The following SGSM1 variants were observed in gnomAD, a reference collection of about 807,000 sequenced individuals.
SGSM1 encodes RUN and TBC1 domain containing 2.
A neutral mutation model predicts 133.8 loss-of-function variants in SGSM1; 73 were observed. The observed-to-expected ratio is 0.55, with a 90% CI of 0.45 to 0.66. SGSM1 has a LOEUF of 0.66. Ranked by LOEUF, SGSM1 falls within the 30% of genes least tolerant of loss-of-function variation. SGSM1 has a pLI of 0.00. For synonymous variants in SGSM1, 563 were observed against 573.0 expected, an observed-to-expected ratio of 0.98 and a Z score of 0.25; for missense variants, 1,213 against 1,448.1, an observed-to-expected ratio of 0.84 and a Z score of 2.64.
chr22:24,899,698 T>A (rs557962872), intron 19 of SGSM1, among the ~76,000 whole-genome samples: 2 of 151,992 alleles, frequency 1.3e-5, no homozygotes, highest in East Asian at 3.9e-4. Context: ...ATTTTTTGTG[T>A]TTTTAGTAGA....
At chr22:24,899,707 G>C (rs1162890249) in intron 19 of SGSM1, among the ~76,000 whole-genome samples, 2 of 151,996 alleles carry the variant, frequency 1.3e-5, no homozygotes, top group East Asian at 3.9e-4. Flanking sequence ...GTTTTTAGTA[G>C]AGATAGGGTT....
chr22:24,808,099 T>C (rs76467009), intron 2 of SGSM1, among the ~76,000 whole-genome samples: 79 of 148,644 alleles, frequency 5.3e-4, no homozygotes, highest in Non-Finnish European at 9.9e-4. Flanking sequence ...ACCTCTTATC[T>C]TTTTTTTTTC....
chr22:24,903,978 AAAG>A (rs767085947), intron 20 of SGSM1, among the ~76,000 whole-genome samples: 2 of 81,516 alleles, frequency 2.5e-5, no homozygotes, highest in Admixed American at 1.3e-4. Flanking sequence ...GTCTCAACAA[AAAG>A]AAAAAAAAAA....
rs759488017 is a variant in SGSM1, at chr22:24,847,663, C to G, written c.169C>G (p.Leu57Val). The G allele has an allele frequency of 6.2e-7, 1 of 1,613,718 alleles. No homozygotes were observed. Among genetic ancestry groups the G allele is most frequent in the South Asian group, 1.1e-5 (1 of 91,062 alleles). ...AAVEACVLHG[L>V]RRRAAGFLRS... ...TGTGGAGGCCTGCGTTCTGCACGGG[C>G]TTCGGCGGCGGGCGGCTGGCTTCCT... is the stretch of plus-strand genomic sequence containing the variant. The change falls in exon 4 of 25, where the codon CTT (leucine) becomes GTT (valine). Residue 57 changes from leucine to valine, a missense_variant. Leu to Val is a conservative substitution (Grantham distance 32, BLOSUM62 1). Coordinates refer to ENST00000400358, the MANE Select transcript of SGSM1 (RefSeq NM_001098497.3).
In SGSM1 at chr22:24,845,946, TTTCTTTC is replaced by T. The variant is rs1348702889; in HGVS notation, c.139+977_139+983del. 8.6e-3 allele frequency among the ~76,000 whole-genome samples: 338 copies of T among 39,376 alleles called. 7 individuals carry two copies. The highest frequency in any genetic ancestry group is 0.045 in the East Asian group (55 of 1,218). The allele number at this position is 39,376 out of a possible 152,430, so 25.8% of individuals were successfully genotyped here. On this transcript the variant is annotated intron_variant, in intron 3 of 24. Transcript: ENST00000400358. ...AAGATCTTTCTTTTCTTTTCTTTTCTTTCTTTCTTTCTTTCTTTCTTTCTTTCTTTCT... is the reference window on the plus strand; with the variant it reads ...AAGATCTTTCTTTTCTTTTCTTTTCTTTTCTTTCTTTCTTTCTTTCTTTCT...
intron 2 of SGSM1, among the ~76,000 whole-genome samples, chr22:24,830,727 T>G (rs2147809643): frequency 1.7e-5 from 1 of 59,544 alleles, no homozygotes; most frequent in African/African-American, 5.7e-5. Flanking sequence ...TCTAATGAAC[T>G]TTGAGCGTGC....
chr22:24,918,801 G>A (rs1380369495), intron 23 of SGSM1, among the ~76,000 whole-genome samples: 4 of 151,678 alleles, frequency 2.6e-5, no homozygotes, highest in African/African-American at 9.7e-5. Flanking sequence ...GCGCGATCTT[G>A]GCTCACTGCA....
chr22:24,912,784 T>A, intron 22 of SGSM1, 32 bp downstream of exon 22: 5 of 1,526,132 alleles, frequency 3.3e-6, no homozygotes, highest in Non-Finnish European at 4.5e-6. Flanking sequence ...TGCTTTGGAC[T>A]TTTTTGGGAA....
intron 12 of SGSM1, among the ~76,000 whole-genome samples, chr22:24,870,231 A>G (rs1601940906): frequency 6.6e-6 from 1 of 152,206 alleles, no homozygotes; most frequent in East Asian, 1.9e-4. Flanking sequence ...TCCTGGCTGG[A>G]CACCAAGGCT....
intron 11 of SGSM1, 69 bp from the exon 12 acceptor site, chr22:24,868,654 C>T (rs1931593156): frequency 1.2e-6 from 2 of 1,608,896 alleles, no homozygotes; most frequent in African/African-American, 1.3e-5. Flanking sequence ...TCCACTGATA[C>T]CCTCAGACTA....
chr22:24,851,138 G>T (rs553016231), intron 5 of SGSM1, among the ~76,000 whole-genome samples: 2 of 151,446 alleles, frequency 1.3e-5, no homozygotes, highest in Admixed American at 6.6e-5. Context: ...GAAAATGCAT[G>T]GTGAGCCTTT....
intron 2 of SGSM1, among the ~76,000 whole-genome samples, chr22:24,825,575 A>G (rs1237225761): frequency 2.0e-5 from 3 of 151,984 alleles, no homozygotes; most frequent in Admixed American, 2.0e-4. Flanking sequence ...GATTACAGGC[A>G]TGTGCCTCCA....
intron 9 of SGSM1, among the ~76,000 whole-genome samples, chr22:24,864,069 C>G (rs1335318095): frequency 6.6e-6 from 1 of 152,128 alleles, no homozygotes; most frequent in Admixed American, 6.5e-5. Context: ...CACAGCCAGC[C>G]TCACTCTTGC....
chr22:24,908,885 G>C (rs1004098267), intron 21 of SGSM1, among the ~76,000 whole-genome samples: 1 of 152,120 alleles, frequency 6.6e-6, no homozygotes, highest in Non-Finnish European at 1.5e-5. Flanking sequence ...TTGAAGATAT[G>C]CAAATGGCTA....
rs1399284361 is a variant in SGSM1 at position 24,858,619 on chromosome 22, G to C, written c.802-1097G>C. 3.6e-5 allele frequency among the ~76,000 whole-genome samples: 5 copies of C among 137,108 alleles called. No homozygotes were observed. The South Asian group carries it at 1.2e-3, about 33-fold the overall frequency. 89.9% of individuals were successfully genotyped at this position (137,108 alleles called of 152,430 possible). ...CCGCTGTCCTCCAGCCTTGGCAACA[G>C]AGCGAGACTCCATCTCAAAAAAAAA... On this transcript the variant is annotated intron_variant, in intron 8 of 24. Coordinates refer to ENST00000400358, the MANE Select transcript of SGSM1 (RefSeq NM_001098497.3).
At chr22:24,886,837 C>T (rs968830668) in intron 16 of SGSM1, 109 bp downstream of exon 16, 12 of 1,357,668 alleles carry the variant, frequency 8.8e-6, no homozygotes, top group Admixed American at 2.8e-5. Flanking sequence ...GAGGGAGATA[C>T]GGGGAAGATG....
intron 14 of SGSM1, among the ~76,000 whole-genome samples, chr22:24,881,421 T>C (rs1256053254): frequency 0.036 from 4,680 of 131,420 alleles, 200 homozygotes; most frequent in East Asian, 0.062. Flanking sequence ...AAAAAATTAG[T>C]CGGGTGTGGT....
intron 2 of SGSM1, among the ~76,000 whole-genome samples, chr22:24,841,005 C>T (rs985408935): frequency 6.6e-6 from 1 of 152,146 alleles, no homozygotes; most frequent in Non-Finnish European, 1.5e-5. Context: ...CGCCCACCAC[C>T]ACGCCCGGCT....
At chr22:24,908,305 T>A (rs980512069) in intron 21 of SGSM1, among the ~76,000 whole-genome samples, 2 of 149,268 alleles carry the variant, frequency 1.3e-5, no homozygotes, top group Admixed American at 1.4e-4. Flanking sequence ...GCTAGGGAAT[T>A]TTTTTTAGAT....
Sources: gnomAD v4.1 joint callset for allele counts (sites outside exome capture counted in the v4.1 genomes callset) on GRCh38, gnomAD v4.1.1 for gene constraint, MANE v1.5 for transcripts, NCBI Gene and HGNC (gene_info 2026-07-23, HGNC 2026-07-21) for gene names.